The following CHD2 variants were observed in gnomAD, a reference collection of about 807,000 sequenced individuals.
CHD2 encodes chromodomain helicase DNA binding protein 2, also known as ATP-dependent chromatin remodeler CHD2.
CHD2 carries 28 observed loss-of-function variants against 243.9 expected under a neutral mutation model. The ratio of observed to expected loss-of-function variants is 0.11; its 90% CI spans 0.09 to 0.16. The LOEUF is 0.16. CHD2 is among the 10% of genes least tolerant of loss of function. The probability of loss-of-function intolerance (pLI) is 1.00; values close to 1 mark genes in which losing one functional copy is unlikely to be tolerated. For missense variants in CHD2, 1,386 were observed against 2,209.8 expected (o/e 0.63, Z 7.47); for synonymous variants, 775 against 779.0 (o/e 0.99, Z 0.09).
intron 16 of CHD2, among the ~76,000 whole-genome samples, chr15:92,965,067 A>G (rs1462625082): frequency 1.3e-5 from 2 of 152,174 alleles, no homozygotes; most frequent in African/African-American, 4.8e-5. Context: ...CTGCAAAGCT[A>G]TAAAGATCAG....
intron 38 of CHD2, 60 bp from the exon 39 acceptor site, chr15:93,024,312 A>C: frequency 1.3e-5 from 19 of 1,481,924 alleles, no homozygotes; most frequent in Non-Finnish European, 1.8e-5. Flanking sequence ...TGGGTAGTGA[A>C]GAGAAGTGGA....
intron 14 of CHD2, chr15:92,954,115 T>C (rs2053587789): frequency 6.5e-6 from 1 of 153,362 alleles, no homozygotes; most frequent in African/African-American, 2.4e-5. Context: ...GACTTAAGTT[T>C]ATCTTTGTTT....
At chr15:92,903,477 A>AGT (rs2052559275) in intron 2 of CHD2, among the ~76,000 whole-genome samples, 1 of 152,236 alleles carries the variant, frequency 6.6e-6, no homozygotes, top group Non-Finnish European at 1.5e-5. Flanking sequence ...GAAATAGTGC[A>AGT]GTAGTTAATA....
At chr15:92,951,388 C>CTTGA (rs1188970843) in intron 13 of CHD2, among the ~76,000 whole-genome samples, 1 of 152,094 alleles carries the variant, frequency 6.6e-6, no homozygotes, top group Non-Finnish European at 1.5e-5. Flanking sequence ...CCAAGCTGGT[C>CTTGA]TTGAACTCCT....
chr15:92,979,060 G>A (rs2053944184), intron 21 of CHD2, 75 bp from the exon 22 acceptor site: 2 of 1,564,402 alleles, frequency 1.3e-6, no homozygotes, highest in South Asian at 2.4e-5. Flanking sequence ...TTTTGACAGA[G>A]CTAATCCTTC....
At chr15:92,929,260 A>G (rs190652938) in intron 5 of CHD2, among the ~76,000 whole-genome samples, 169 bp downstream of exon 5, 176 of 152,276 alleles carry the variant, frequency 1.2e-3, no homozygotes, top group African/African-American at 4.1e-3. Context: ...TAGCAGCAGC[A>G]GCATTGGAAA....
chr15:93,023,285 C>G (rs889843286), intron 38 of CHD2, among the ~76,000 whole-genome samples: 1 of 152,206 alleles, frequency 6.6e-6, no homozygotes, highest in Non-Finnish European at 1.5e-5. Flanking sequence ...CAATATGTGA[C>G]CTTTTGTGTC....
chr15:92,927,453 A>T, intron 4 of CHD2, 123 bp downstream of exon 4: 1 of 649,552 alleles, frequency 1.5e-6, no homozygotes, highest in Non-Finnish European at 2.7e-6. Flanking sequence ...AGTGACTCTA[A>T]TATGAGCTAT....
At chr15:92,961,989 A>G (rs984428085) in intron 16 of CHD2, among the ~76,000 whole-genome samples, 1 of 137,774 alleles carries the variant, frequency 7.3e-6, no homozygotes, top group African/African-American at 2.7e-5. Context: ...TCAAGTGATT[A>G]TCCTGCCTCA....
intron 20 of CHD2, among the ~76,000 whole-genome samples, chr15:92,976,318 T>A (rs1052637716): frequency 1.1e-4 from 17 of 152,176 alleles, no homozygotes; most frequent in Non-Finnish European, 2.2e-4. Flanking sequence ...AAATATTTAT[T>A]GTGGGACAAA....
At chr15:92,929,349 C>T (rs1412537326) in intron 5 of CHD2, among the ~76,000 whole-genome samples, 1 of 152,094 alleles carries the variant, frequency 6.6e-6, no homozygotes, top group East Asian at 1.9e-4. Flanking sequence ...CAGCTTCTTC[C>T]ATCGGGTTAA....
chr15:93,025,184 G>C lies in CHD2; in HGVS notation c.*479G>C, dbSNP rs1213013086. 1 of 157,350 alleles carries C rather than the reference G, an allele frequency of 6.4e-6. No homozygotes were observed. The highest frequency in any genetic ancestry group is 2.4e-5 in the African/African-American group (1 of 41,484). 9.7% of individuals were successfully genotyped at this position (157,350 alleles called of 1,614,324 possible). A position where few individuals can be genotyped will look rare whatever the true frequency, so the allele number is the denominator to read the frequency against. On this transcript the variant is annotated 3_prime_UTR_variant, in exon 39 of 39. Transcript: ENST00000394196. Reference sequence around the variant, plus strand: ...TCACTCTGACATGATGGATGCTGCTGATGGGGAGTGGCGAGTTGGGGCAAG... The same window carrying C: ...TCACTCTGACATGATGGATGCTGCTCATGGGGAGTGGCGAGTTGGGGCAAG...
At chr15:92,963,729 G>A (rs2141825702) in intron 16 of CHD2, among the ~76,000 whole-genome samples, 1 of 152,318 alleles carries the variant, frequency 6.6e-6, no homozygotes, top group South Asian at 2.1e-4. Context: ...CAGTCAATAA[G>A]TAGATAGACG....
In CHD2 at chr15:92,992,707, G is replaced by A. The variant is rs1010322856; in HGVS notation, c.3456-152G>A. Reference sequence around the variant, plus strand: ...TGTTAGCCTTCAGTCAATGTCCAGGGGTTCTTGTTGGAGCCTTAGAATGAC... The same window carrying A: ...TGTTAGCCTTCAGTCAATGTCCAGGAGTTCTTGTTGGAGCCTTAGAATGAC... On this transcript the variant is annotated intron_variant, in intron 27 of 38. Transcript: ENST00000394196. 3.8e-6 allele frequency: 3 copies of A among 780,332 alleles called. No individual in the cohort carries two copies. In the African/African-American group the frequency reaches 5.2e-5, roughly 13 times the overall value. 48.3% of individuals were successfully genotyped at this position (780,332 alleles called of 1,614,324 possible).
rs550049571 is a variant in CHD2, at chr15:93,005,395, G to C, written c.4413+644G>C. 3.9e-5 allele frequency among the ~76,000 whole-genome samples: 6 copies of C among 152,308 alleles called. 1 individual carries two copies. Among genetic ancestry groups the C allele is most frequent in the African/African-American group, 1.4e-4 (6 of 41,570 alleles). Reference sequence around the variant, plus strand: ...CTTGCACGGGATTGGATACAGGCCAGTGTGTCCTCAAGGTCCCTTTGCCCC... The same window carrying C: ...CTTGCACGGGATTGGATACAGGCCACTGTGTCCTCAAGGTCCCTTTGCCCC... On this transcript the variant is annotated intron_variant, in intron 34 of 38. Transcript: ENST00000394196.
At chr15:92,923,385 C>T (rs8026679) in intron 2 of CHD2, among the ~76,000 whole-genome samples, 53,909 of 151,446 alleles carry the variant, frequency 0.36, 10,962 homozygotes, top group East Asian at 0.81. Context: ...CTGAGTTTCC[C>T]GAGTAGCTGG....
rs145315742 is a variant in CHD2 at position 93,000,890 on chromosome 15, T to C, written c.4137+250T>C. ...GTTGTTTGTTTGTTTGTTTTTGAGA[T>C]GAAGTCTCGCTCTTGTCCGCGAGGC... On this transcript the variant is annotated intron_variant, in intron 32 of 38. Transcript: ENST00000394196. 4.1e-3 allele frequency among the ~76,000 whole-genome samples: 630 copies of C among 152,342 alleles called. 7 individuals carry two copies. The highest frequency in any genetic ancestry group is 0.015 in the African/African-American group (604 of 41,582).
chr15:92,912,556 C>T (rs185660953), intron 2 of CHD2, among the ~76,000 whole-genome samples: 3 of 152,236 alleles, frequency 2.0e-5, no homozygotes, highest in Non-Finnish European at 2.9e-5. Context: ...TGTTTTGAGA[C>T]GGAGTCTCGC....
At chr15:92,914,269 A>G (rs1596371121) in intron 2 of CHD2, among the ~76,000 whole-genome samples, 2 of 152,308 alleles carry the variant, frequency 1.3e-5, no homozygotes, top group Middle Eastern at 3.4e-3. Flanking sequence ...ACTGCTTTTC[A>G]CAGCTTGGTT....
Sources: gnomAD v4.1 joint callset for allele counts (sites outside exome capture counted in the v4.1 genomes callset) on GRCh38, gnomAD v4.1.1 for gene constraint, MANE v1.5 for transcripts, NCBI Gene and HGNC (gene_info 2026-07-23, HGNC 2026-07-21) for gene names.